The following CNTN5 variants were observed in gnomAD, a reference collection of about 807,000 sequenced individuals.
CNTN5 encodes contactin 5, also known as contactin-5.
A neutral mutation model predicts 129.1 loss-of-function variants in CNTN5; 77 were observed. The observed-to-expected ratio is 0.60, with a 90% CI of 0.50 to 0.72. The LOEUF (loss-of-function observed/expected upper bound fraction) is 0.72, where lower values mean the gene tolerates loss of function less well. CNTN5 is among the 30% of genes least tolerant of loss of function. The probability of loss-of-function intolerance (pLI) is 0.00; values close to 1 mark genes in which losing one functional copy is unlikely to be tolerated. For synonymous variants in CNTN5, 509 were observed against 465.6 expected, an observed-to-expected ratio of 1.09 and a Z score of -1.20; for missense variants, 1,478 against 1,328.8, an observed-to-expected ratio of 1.11 and a Z score of -1.75.
At chr11:99,916,837 G>A (rs930996727) in intron 7 of CNTN5, among the ~76,000 whole-genome samples, 7 of 152,030 alleles carry the variant, frequency 4.6e-5, no homozygotes, top group Middle Eastern at 3.2e-3. Context: ...AGTTAAGAGT[G>A]ACCAGCATCA....
chr11:99,747,715 A>T (rs1001543027), intron 3 of CNTN5, among the ~76,000 whole-genome samples: 3 of 151,606 alleles, frequency 2.0e-5, no homozygotes, highest in African/African-American at 7.3e-5. Context: ...CTTGTGATCC[A>T]CCCGCCTCGG....
intron 4 of CNTN5, among the ~76,000 whole-genome samples, chr11:99,835,661 G>T (rs530093813): frequency 1.5e-5 from 2 of 135,758 alleles, no homozygotes; most frequent in South Asian, 4.4e-4. Flanking sequence ...GGAAACATAT[G>T]GATGAAAACC....
intron 1 of CNTN5, among the ~76,000 whole-genome samples, chr11:99,085,783 A>G (rs967939052): frequency 2.0e-5 from 3 of 152,218 alleles, no homozygotes; most frequent in Admixed American, 6.5e-5. Context: ...GATGGGCCTC[A>G]TACATATAGG....
At chr11:99,613,822 G>A (rs1318004602) in intron 3 of CNTN5, among the ~76,000 whole-genome samples, 2 of 151,984 alleles carry the variant, frequency 1.3e-5, no homozygotes, top group Non-Finnish European at 2.9e-5. Context: ...TAAAATGAAG[G>A]GTTATTTGCA....
Position 99,945,071 on chromosome 11 carries a change from C to T in CNTN5, c.674-11735C>T, listed in dbSNP as rs570714094. On this transcript the variant is annotated intron_variant, in intron 7 of 24. Coordinates refer to ENST00000524871, the MANE Select transcript of CNTN5 (RefSeq NM_014361.4). ...GATAGTGAAGAGTGGGTGATAGTAT[C>T]GGATGGTTAAGAAAGAGATGGGTAC... Among the ~76,000 whole-genome samples the T allele has an allele frequency of 5.3e-5, 8 of 152,004 alleles. No individual in the cohort carries two copies. The South Asian group carries it at 1.2e-3, about 24-fold the overall frequency.
intron 2 of CNTN5, among the ~76,000 whole-genome samples, chr11:99,348,239 T>G (rs575999200): frequency 1.3e-5 from 2 of 152,102 alleles, no homozygotes; most frequent in Non-Finnish European, 2.9e-5. Context: ...CTTGGGAGGC[T>G]GAGGCAGGAG....
intron 7 of CNTN5, among the ~76,000 whole-genome samples, chr11:99,945,508 G>GTGTGTGTGTGTGTT (rs1441387158): frequency 6.6e-6 from 1 of 151,584 alleles, no homozygotes; most frequent in African/African-American, 2.4e-5. Flanking sequence ...GTGTGTGTGT[G>GTGTGTGTGTGTGTT]TGTGTGTGTA....
chr11:99,675,614 G>A (rs1222892522), intron 3 of CNTN5, among the ~76,000 whole-genome samples: 2 of 152,124 alleles, frequency 1.3e-5, no homozygotes, highest in Non-Finnish European at 1.5e-5. Flanking sequence ...TAACCTGGGA[G>A]GTGGAGGTTG....
intron 21 of CNTN5, among the ~76,000 whole-genome samples, chr11:100,323,894 T>G (rs1292427366): frequency 6.6e-6 from 1 of 152,138 alleles, no homozygotes; most frequent in East Asian, 1.9e-4. Context: ...AGGCTATACA[T>G]CTCCAAAATT....
chr11:100,343,292 G>T (rs1952206339), intron 23 of CNTN5, among the ~76,000 whole-genome samples: 2 of 152,160 alleles, frequency 1.3e-5, no homozygotes, highest in Admixed American at 6.6e-5. Flanking sequence ...TTCTTGAAAT[G>T]GTTGCACTTC....
In CNTN5 at chr11:99,201,771, T is replaced by C. The variant is rs76106870; in HGVS notation, c.-209-123575T>C. 8.4e-3 allele frequency among the ~76,000 whole-genome samples: 1,272 copies of C among 152,236 alleles called. 17 individuals are homozygous for C. The highest frequency in any genetic ancestry group is 0.029 in the African/African-American group (1,194 of 41,544). On this transcript the variant is annotated intron_variant, in intron 1 of 24. Transcript: ENST00000524871. ...CTGAAGATGGAAGGGGGCTATGAAATAAGGAATGTTGGTCACCTCTAGAAG... is the reference window on the plus strand; with the variant it reads ...CTGAAGATGGAAGGGGGCTATGAAACAAGGAATGTTGGTCACCTCTAGAAG...
chr11:99,751,092 T>C (rs1403402689), intron 3 of CNTN5, among the ~76,000 whole-genome samples: 1 of 152,178 alleles, frequency 6.6e-6, no homozygotes, highest in Non-Finnish European at 1.5e-5. Context: ...ATCCCAGCAC[T>C]TTGGGAGGCT....
At chr11:99,728,566 G>T (rs942425234) in intron 3 of CNTN5, among the ~76,000 whole-genome samples, 2 of 152,126 alleles carry the variant, frequency 1.3e-5, no homozygotes, top group African/African-American at 4.8e-5. Context: ...GCTGTCAAAG[G>T]TATTGCTTTC....
intron 17 of CNTN5, among the ~76,000 whole-genome samples, chr11:100,262,142 A>T (rs375102049): frequency 2.0e-5 from 3 of 152,218 alleles, no homozygotes; most frequent in South Asian, 4.1e-4. Flanking sequence ...AAGGATATGA[A>T]CAGACACTTC....
Position 99,632,878 on chromosome 11 carries a change from C to T in CNTN5, c.55+76609C>T, listed in dbSNP as rs531858050. 8.6e-5 allele frequency among the ~76,000 whole-genome samples: 13 copies of T among 151,730 alleles called. No individual in the cohort carries two copies. The East Asian group carries it at 2.4e-3, about 28-fold the overall frequency. ...GAAACCATCCAAATGTCCTTAATTA[C>T]TTAAGGTATCTTCTTGGGGGGGTTA... On this transcript the variant is annotated intron_variant, in intron 3 of 24. Coordinates refer to ENST00000524871, the MANE Select transcript of CNTN5 (RefSeq NM_014361.4).
chr11:99,217,949 A>C (rs958307169), intron 1 of CNTN5, among the ~76,000 whole-genome samples: 2 of 152,188 alleles, frequency 1.3e-5, no homozygotes, highest in East Asian at 1.9e-4. Flanking sequence ...GATAAACGTT[A>C]GCTTAAAATA....
intron 13 of CNTN5, among the ~76,000 whole-genome samples, chr11:100,090,903 C>T (rs2137996000): frequency 6.6e-6 from 1 of 152,208 alleles, no homozygotes; most frequent in Middle Eastern, 3.4e-3. Context: ...ACTGGCCTCT[C>T]TTTATCCAGT....
At chr11:99,692,469 T>G (rs558617873) in intron 3 of CNTN5, among the ~76,000 whole-genome samples, 1 of 152,242 alleles carries the variant, frequency 6.6e-6, no homozygotes, top group African/African-American at 2.4e-5. Flanking sequence ...GAAAAAGGAC[T>G]TTATTTCTCC....
At chr11:99,730,712 C>T (rs533631262) in intron 3 of CNTN5, among the ~76,000 whole-genome samples, 1 of 152,194 alleles carries the variant, frequency 6.6e-6, no homozygotes, top group East Asian at 1.9e-4. Flanking sequence ...TTTACGGAAA[C>T]GTGATGATGC....
Sources: allele counts gnomAD v4.1 joint callset (sites outside exome capture counted in the v4.1 genomes callset), GRCh38; gene constraint gnomAD v4.1.1; transcripts MANE v1.5; gene names NCBI Gene and HGNC (gene_info 2026-07-23, HGNC 2026-07-21).